ADH1C: variants seen among roughly 807,000 people sequenced by gnomAD.
The protein encoded by ADH1C is alcohol dehydrogenase 1C (class I), gamma polypeptide, also known as alcohol dehydrogenase 1C.
Under a neutral mutation model 35.0 loss-of-function variants are expected in ADH1C, and 26 were observed. That is an observed-to-expected ratio of 0.74 (90% CI 0.54 to 1.03). The LOEUF (loss-of-function observed/expected upper bound fraction) is 1.03. ADH1C is among the 50% of genes least tolerant of loss of function. The pLI is 0.00. For synonymous variants in ADH1C, 170 were observed against 169.3 expected (o/e 1.00, Z -0.03); for missense variants, 413 against 465.4 (o/e 0.89, Z 1.04).
At chr4:99,343,458 C>A (rs2110657277) in intron 5 of ADH1C, among the ~76,000 whole-genome samples, 1 of 152,306 alleles carries the variant, frequency 6.6e-6, no homozygotes, top group South Asian at 2.1e-4. Flanking sequence ...TTGCTGAAAT[C>A]CCTTGATAGC....
At chr4:99,338,576 T>G (rs78825116) in intron 8 of ADH1C, among the ~76,000 whole-genome samples, 2 of 149,704 alleles carry the variant, frequency 1.3e-5, no homozygotes, top group African/African-American at 4.9e-5. Flanking sequence ...CTCTGCTTCT[T>G]AGTTTTCTCT....
chr4:99,344,826 C>T (rs373660291), intron 5 of ADH1C, 36 bp downstream of exon 5: 183 of 1,612,576 alleles, frequency 1.1e-4, no homozygotes, highest in Non-Finnish European at 1.5e-4. Flanking sequence ...TGACAGTCTG[C>T]GTGTAACCGG....
rs779431549 is a variant in ADH1C, at chr4:99,340,602, G to A, written c.937C>T (p.Arg313Cys). 1.6e-5 allele frequency: 26 copies of A among 1,613,932 alleles called. No homozygotes were observed. The highest frequency in any genetic ancestry group is 6.7e-5 in the African/African-American group (5 of 74,890). The change falls in exon 7 of 9, where the codon CGC (arginine) becomes TGC (cysteine). Residue 313 changes from arginine (R) to cysteine (C), a missense_variant. Coordinates refer to ENST00000515683, the MANE Select transcript of ADH1C (RefSeq NM_000669.5). ...SINPMLLLTG[R>C]TWKGAIFGGF... ...CCAAAAATAGCTCCTTTCCACGTGC[G>A]TCCAGTCAGTAGCAGCATAGGGTTT...
chr4:99,348,371 G>T (rs1734592251), intron 1 of ADH1C, among the ~76,000 whole-genome samples: 1 of 150,358 alleles, frequency 6.7e-6, no homozygotes, highest in Admixed American at 6.7e-5. Flanking sequence ...GTGAGAATAT[G>T]CGGTGTTTGG....
chr4:99,341,815 C>T (rs1208218548), intron 6 of ADH1C, among the ~76,000 whole-genome samples: 1 of 152,034 alleles, frequency 6.6e-6, no homozygotes, highest in African/African-American at 2.4e-5. Flanking sequence ...TCAAAGATGA[C>T]ATAAGCACTG....
At chr4:99,351,854 G>T (rs1734686383) in intron 1 of ADH1C, among the ~76,000 whole-genome samples, 1 of 152,172 alleles carries the variant, frequency 6.6e-6, no homozygotes, top group South Asian at 2.1e-4. Flanking sequence ...TATATTGAAT[G>T]ACCACATGCA....
At chr4:99,349,805 CTGTG>C (rs70956001) in intron 1 of ADH1C, among the ~76,000 whole-genome samples, 17 of 84,452 alleles carry the variant, frequency 2.0e-4, no homozygotes, top group South Asian at 4.0e-4. Flanking sequence ...ATGTGTGTTT[CTGTG>C]TGTGTGTGTG....
At chr4:99,337,179 A>G (rs1789898) in intron 8 of ADH1C, among the ~76,000 whole-genome samples, 1 of 151,948 alleles carries the variant, frequency 6.6e-6, no homozygotes, top group African/African-American at 2.4e-5. Flanking sequence ...CAACCTAAAC[A>G]ATGACGATAG....
intron 6 of ADH1C, among the ~76,000 whole-genome samples, chr4:99,342,223 G>A (rs1212691510): frequency 6.6e-6 from 1 of 152,086 alleles, no homozygotes; most frequent in African/African-American, 2.4e-5. Context: ...TTCAGTCCAA[G>A]TAATACTGGG....
At chr4:99,347,657 C>G (rs1734568562) in intron 2 of ADH1C, 88 bp downstream of exon 2, 20 of 1,230,542 alleles carry the variant, frequency 1.6e-5, no homozygotes, top group Non-Finnish European at 2.2e-5. Context: ...ATAAAAAATA[C>G]CTCTAGTGGA....
chr4:99,352,513 C>G (rs1018890411), intron 1 of ADH1C, 145 bp downstream of exon 1: 1 of 583,494 alleles, frequency 1.7e-6, no homozygotes, highest in Non-Finnish European at 2.8e-6. Flanking sequence ...TGTATCATTT[C>G]TAATTTAGAT....
chr4:99,336,636 A>C lies in ADH1C; in HGVS notation c.*116T>G. 2 of 1,288,082 alleles carry C rather than the reference A, an allele frequency of 1.6e-6. No individual in the cohort carries two copies. Among genetic ancestry groups the C allele is most frequent in the Non-Finnish European group, 2.2e-6 (2 of 907,310 alleles). The allele number at this position is 1,288,082 out of a possible 1,614,324, so 79.8% of individuals were successfully genotyped here. On this transcript the variant is annotated 3_prime_UTR_variant, in exon 9 of 9. Transcript: ENST00000515683. ...ATTTCTTTGGAAAGCTCCCACGTGTAATTTATTTTTAACATCTCTGAAGAG... is the reference window on the plus strand; with the variant it reads ...ATTTCTTTGGAAAGCTCCCACGTGTCATTTATTTTTAACATCTCTGAAGAG...
intron 1 of ADH1C, among the ~76,000 whole-genome samples, chr4:99,348,968 G>A (rs1434012834): frequency 1.4e-5 from 2 of 145,632 alleles, no homozygotes; most frequent in Non-Finnish European, 3.0e-5. Flanking sequence ...ACTTTTTGAT[G>A]GGGTTGTTTG....
chr4:99,339,803 A>G, intron 7 of ADH1C, 88 bp from the exon 8 acceptor site: 1 of 1,344,150 alleles, frequency 7.4e-7, no homozygotes, highest in Non-Finnish European at 1.0e-6. Flanking sequence ...GAAAGTTTAG[A>G]AAAAGTGCTG....
At chr4:99,341,117 A>G (rs1323909385) in intron 6 of ADH1C, among the ~76,000 whole-genome samples, 1 of 152,232 alleles carries the variant, frequency 6.6e-6, no homozygotes, top group Non-Finnish European at 1.5e-5. Flanking sequence ...TTTGATGATG[A>G]ACAAGATAAA....
intron 8 of ADH1C, among the ~76,000 whole-genome samples, chr4:99,338,395 C>CTATATATATATATA (rs35124782): frequency 2.6e-4 from 10 of 38,952 alleles, no homozygotes; most frequent in Admixed American, 8.8e-4. Context: ...ATACTGTTTT[C>CTATATATATATATA]TATATATATA....
At chr4:99,350,603 G>T (rs530912165) in intron 1 of ADH1C, among the ~76,000 whole-genome samples, 10 of 152,280 alleles carry the variant, frequency 6.6e-5, no homozygotes, top group African/African-American at 2.4e-4. Flanking sequence ...AGTATCTCAT[G>T]GTGTACATAT....
At position 99,340,626 on chromosome 4, in the gene ADH1C, T is replaced by A; in HGVS notation, c.913A>T (p.Asn305Tyr). ...CGTCCAGTCAGTAGCAGCATAGGGT[T>A]TATTGAGAGGTTCTGGGAATCAGGA... ...VPPDSQNLSINPMLLLTGRTW... is the reference protein window; with the variant it reads ...VPPDSQNLSIYPMLLLTGRTW... The change falls in exon 7 of 9, where the codon AAC becomes TAC. Residue 305 changes from asparagine to tyrosine, a missense_variant. Asn to Tyr is a moderately radical substitution (Grantham distance 143). Coordinates refer to ENST00000515683, the MANE Select transcript of ADH1C (RefSeq NM_000669.5). 6.2e-7 allele frequency: 1 copy of A among 1,613,994 alleles called. No homozygotes were observed. The highest frequency in any genetic ancestry group is 8.5e-7 in the Non-Finnish European group (1 of 1,180,020).
chr4:99,349,356 T>G (rs1734618223), intron 1 of ADH1C, among the ~76,000 whole-genome samples: 1 of 152,056 alleles, frequency 6.6e-6, no homozygotes, highest in African/African-American at 2.4e-5. Context: ...GGCTAGCCAG[T>G]TTTCCCAGCA....
Sources: gnomAD v4.1 joint callset for allele counts (sites outside exome capture counted in the v4.1 genomes callset) on GRCh38, gnomAD v4.1.1 for gene constraint, MANE v1.5 for transcripts, NCBI Gene and HGNC (gene_info 2026-07-23, HGNC 2026-07-21) for gene names.